The following NLRP11 variants were observed in gnomAD, a reference collection of about 807,000 sequenced individuals.
NLRP11 encodes NLR family pyrin domain containing 11.
A neutral mutation model predicts 79.3 loss-of-function variants in NLRP11; 53 were observed. That is an observed-to-expected ratio of 0.67 (90% confidence interval 0.54 to 0.84). NLRP11 has a LOEUF of 0.84. NLRP11 is among the 40% of genes least tolerant of loss of function. The pLI is 0.00. For missense variants in NLRP11, 1,264 were observed against 1,255.0 expected, an observed-to-expected ratio of 1.01 and a Z score of -0.11; for synonymous variants, 518 against 462.6, an observed-to-expected ratio of 1.12 and a Z score of -1.54.
At chr19:55,797,561 T>C (rs1284301086) in intron 5 of NLRP11, among the ~76,000 whole-genome samples, 2 of 152,334 alleles carry the variant, frequency 1.3e-5, no homozygotes, top group East Asian at 3.9e-4. Context: ...ATGTGCCTAG[T>C]AGATGATCAG....
chr19:55,822,511 C>T (rs1465749177), intron 1 of NLRP11, among the ~76,000 whole-genome samples: 2 of 152,068 alleles, frequency 1.3e-5, no homozygotes, highest in Non-Finnish European at 2.9e-5. Context: ...CCGGGTTCAT[C>T]TCACTAGGGA....
At chr19:55,817,934 G>T (rs1458601068) in exon 2 of NLRP11, 2 of 1,609,684 alleles carry the variant, frequency 1.2e-6, no homozygotes, top group Non-Finnish European at 8.5e-7. Context: ...TTCCTACAAA[G>T]ATCTTCCTTA....
At chr19:55,789,545 G>C (rs1436822846) in intron 7 of NLRP11, 146 bp from the exon 8 acceptor site, 3 of 688,892 alleles carry the variant, frequency 4.4e-6, no homozygotes, top group Non-Finnish European at 5.0e-6. Context: ...AACATCTACA[G>C]GTCACTTACA....
chr19:55,819,490 A>G (rs962332431), intron 1 of NLRP11, among the ~76,000 whole-genome samples: 1 of 152,204 alleles, frequency 6.6e-6, no homozygotes. Flanking sequence ...AGTTGTGACT[A>G]AAGAATCCAT....
chr19:55,800,835 G>A (rs981594983), intron 5 of NLRP11, among the ~76,000 whole-genome samples: 3 of 152,054 alleles, frequency 2.0e-5, no homozygotes, highest in African/African-American at 7.2e-5. Flanking sequence ...ATAGCTTTTT[G>A]CATTAATGAC....
intron 6 of NLRP11, among the ~76,000 whole-genome samples, chr19:55,793,284 A>G (rs1348038120): frequency 6.6e-6 from 1 of 152,094 alleles, no homozygotes; most frequent in Admixed American, 6.5e-5. Flanking sequence ...AAAGTTGGAA[A>G]TAGGCCGGGC....
rs190837346 is a variant in NLRP11, at chr19:55,805,826, C to A, written c.2003+2027G>T. Reference sequence around the variant, plus strand: ...AAGTGCTGGGATTACAGGCATGAGCCACTGCACCCGCCCTAAAAGTCTTCA... The same window carrying A: ...AAGTGCTGGGATTACAGGCATGAGCAACTGCACCCGCCCTAAAAGTCTTCA... On this transcript the variant is annotated intron_variant, in intron 4 of 9. Transcript: ENST00000589093. 4.7e-4 allele frequency among the ~76,000 whole-genome samples: 72 copies of A among 152,342 alleles called. No homozygotes were observed. The East Asian group carries it at 0.014, about 29-fold the overall frequency.
intron 1 of NLRP11, among the ~76,000 whole-genome samples, chr19:55,824,271 C>T (rs879116456): frequency 6.7e-6 from 1 of 148,650 alleles, no homozygotes; most frequent in Non-Finnish European, 1.5e-5. Flanking sequence ...AAGCGCTAAA[C>T]ATGGAAAGGA....
chr19:55,820,533 C>T (rs978787875), intron 1 of NLRP11, among the ~76,000 whole-genome samples: 2 of 152,136 alleles, frequency 1.3e-5, no homozygotes, highest in South Asian at 2.1e-4. Flanking sequence ...GAAGCAATCG[C>T]ACCCTTTGAG....
chr19:55,798,399 TA>T, intron 5 of NLRP11: 1 of 925,394 alleles, frequency 1.1e-6, no homozygotes, highest in Non-Finnish European at 1.3e-6. Flanking sequence ...CTTAGCAAAC[TA>T]ACATAAGGAC....
At chr19:55,787,461 C>T (rs566554719) in intron 9 of NLRP11, among the ~76,000 whole-genome samples, 3 of 152,278 alleles carry the variant, frequency 2.0e-5, no homozygotes, top group East Asian at 3.9e-4. Context: ...CTCAGCCTCC[C>T]GAGTAGCTGG....
In NLRP11 at chr19:55,793,433, T is replaced by C. The variant is rs148816094; in HGVS notation, c.2343-962A>G. ...AAAATACAAAAATTAGCCGGCATAG[T>C]GGTGTGCACCTGTAGTCCCAACTAC... On this transcript the variant is annotated intron_variant, in intron 6 of 9. Coordinates refer to ENST00000589093, the Ensembl canonical transcript of NLRP11. Among the ~76,000 whole-genome samples, 434 of 151,476 alleles carry C rather than the reference T, an allele frequency of 2.9e-3. 2 individuals are homozygous for C. Among genetic ancestry groups the C allele is most frequent in the Non-Finnish European group, 5.2e-3 (355 of 67,808 alleles).
chr19:55,810,751 G>C (rs149469890), intron 2 of NLRP11, among the ~76,000 whole-genome samples: 10 of 152,282 alleles, frequency 6.6e-5, no homozygotes, highest in African/African-American at 2.4e-4. Flanking sequence ...ACCTGCCTTG[G>C]CTTCCCAATG....
intron 5 of NLRP11, among the ~76,000 whole-genome samples, chr19:55,800,348 C>T (rs964816492): frequency 1.3e-5 from 2 of 152,102 alleles, no homozygotes; most frequent in African/African-American, 4.8e-5. Context: ...TCTTGTTGCC[C>T]AGGCTGGAAC....
chr19:55,797,298 T>TAA (rs5828643), intron 5 of NLRP11, among the ~76,000 whole-genome samples: 3,435 of 151,100 alleles, frequency 0.023, 122 homozygotes, highest in African/African-American at 0.071. Flanking sequence ...GACGCATCTC[T>TAA]AAAAAAAAAT....
At chr19:55,834,756 T>C (rs1327209475), upstream of NLRP11, among the ~76,000 whole-genome samples, 2 of 152,226 alleles carry the variant, frequency 1.3e-5, no homozygotes, top group Non-Finnish European at 2.9e-5. Context: ...TAGTCATACA[T>C]TTAAATACCG....
At chr19:55,801,699 G>T in exon 5 of NLRP11, 1 of 1,614,076 alleles carries the variant, frequency 6.2e-7, no homozygotes. Context: ...AAAGCCTTGA[G>T]TAAGTCTTCA....
At chr19:55,794,632 T>C (rs12151233) in intron 6 of NLRP11, among the ~76,000 whole-genome samples, 41,718 of 151,780 alleles carry the variant, frequency 0.27, 7,148 homozygotes, top group African/African-American at 0.48. Flanking sequence ...TGGTGGCGGG[T>C]GCCTGTGGTC....
chr19:55,785,947 C>T (rs934383363), intron 9 of NLRP11, 76 bp from the exon 10 acceptor site: 2 of 1,449,904 alleles, frequency 1.4e-6, no homozygotes, highest in East Asian at 4.6e-5. Flanking sequence ...TGACTAATTC[C>T]CCATATGGCA....
Sources: allele counts gnomAD v4.1 joint callset (sites outside exome capture counted in the v4.1 genomes callset), GRCh38; gene constraint gnomAD v4.1.1; transcripts MANE v1.5; gene names NCBI Gene and HGNC (gene_info 2026-07-23, HGNC 2026-07-21).